Variants in IFRD1 observed in about 807,000 individuals in gnomAD.
IFRD1 encodes the protein interferon related developmental regulator 1, also known as interferon-related developmental regulator 1.
Under a neutral mutation model 52.9 loss-of-function variants are expected in IFRD1, and 35 were observed. The ratio of observed to expected loss-of-function variants is 0.66; its 90% CI spans 0.51 to 0.88. The LOEUF (loss-of-function observed/expected upper bound fraction) is 0.88. Among genes scored for constraint, IFRD1 ranks in the 40% least tolerant of loss-of-function variants. The pLI, the probability that IFRD1 is intolerant of heterozygous loss-of-function variation, is 0.00. For synonymous variants in IFRD1, 184 were observed against 188.4 expected, an observed-to-expected ratio of 0.98 and a Z score of 0.19; for missense variants, 517 against 550.8, an observed-to-expected ratio of 0.94 and a Z score of 0.61.
intron 8 of IFRD1, among the ~76,000 whole-genome samples, chr7:112,465,454 T>C (rs917408181): frequency 6.6e-6 from 1 of 152,252 alleles, no homozygotes; most frequent in Non-Finnish European, 1.5e-5. Context: ...AACTGTTATT[T>C]TGCTATGAAA....
At chr7:112,440,328 G>A (rs750179905) in intron 1 of IFRD1, among the ~76,000 whole-genome samples, 2 of 152,082 alleles carry the variant, frequency 1.3e-5, no homozygotes, top group Non-Finnish European at 2.9e-5. Context: ...TACTAAGTGT[G>A]TCTTATTTAT....
chr7:112,424,131 G>T (rs1794378432), intron 1 of IFRD1, among the ~76,000 whole-genome samples: 1 of 152,136 alleles, frequency 6.6e-6, no homozygotes, highest in East Asian at 1.9e-4. Context: ...TGCAGGGGAG[G>T]GAGCCAGCAG....
chr7:112,451,039 TG>T, intron 1 of IFRD1: 1 of 523,540 alleles, frequency 1.9e-6, no homozygotes, highest in Non-Finnish European at 3.5e-6. Flanking sequence ...GGCCTGAGAG[TG>T]TGTCGGGACA....
intron 1 of IFRD1, among the ~76,000 whole-genome samples, chr7:112,434,937 C>T (rs1794636060): frequency 6.6e-6 from 1 of 152,152 alleles, no homozygotes; most frequent in Admixed American, 6.5e-5. Context: ...TCTGAATTAC[C>T]TGGTTACTGA....
chr7:112,453,347 T>C (rs1275746881), intron 1 of IFRD1, among the ~76,000 whole-genome samples: 2 of 152,210 alleles, frequency 1.3e-5, no homozygotes, highest in African/African-American at 4.8e-5. Flanking sequence ...TTTATGTGCC[T>C]AGAGTGCCAT....
chr7:112,474,635 C>T (rs979452579), intron 11 of IFRD1, among the ~76,000 whole-genome samples: 5 of 152,064 alleles, frequency 3.3e-5, no homozygotes, highest in African/African-American at 4.8e-5. Context: ...CAAAGTTACT[C>T]TTATATTGGA....
intron 8 of IFRD1, among the ~76,000 whole-genome samples, chr7:112,464,246 T>A (rs1584496524): frequency 2.6e-5 from 4 of 152,214 alleles, no homozygotes; most frequent in African/African-American, 9.6e-5. Context: ...AGTGATGTCA[T>A]GAATTCTGCC....
intron 8 of IFRD1, among the ~76,000 whole-genome samples, chr7:112,467,138 T>C (rs780429894): frequency 1.3e-5 from 2 of 152,176 alleles, no homozygotes; most frequent in Non-Finnish European, 2.9e-5. Context: ...CAAGAAGGCC[T>C]AGAAGAGCTG....
At chr7:112,463,092 A>C (rs1020209796) in intron 8 of IFRD1, among the ~76,000 whole-genome samples, 4 of 152,182 alleles carry the variant, frequency 2.6e-5, no homozygotes, top group Admixed American at 2.0e-4. Context: ...GAATGCCTCA[A>C]ATCTTACCAT....
rs2117302610 is a variant in IFRD1 at position 112,459,050 on chromosome 7, G to C, written c.567+32G>C. On this transcript the variant is annotated intron_variant, in intron 5 of 11. Transcript: ENST00000403825. ...ATAAGATATTTACATTTATAGATCT[G>C]TCTATTCATGACACCCAGACGTGGT... The C allele has an allele frequency of 5.7e-6, 9 of 1,572,928 alleles. No individual in the cohort carries two copies. In the East Asian group the frequency reaches 2.0e-4, roughly 35 times the overall value.
chr7:112,465,222 C>T (rs1795578060), intron 8 of IFRD1, among the ~76,000 whole-genome samples: 1 of 152,078 alleles, frequency 6.6e-6, no homozygotes, highest in Non-Finnish European at 1.5e-5. Flanking sequence ...TAATATTAGG[C>T]TTTTGTATGA....
chr7:112,449,832 G>C (rs909776785), upstream of IFRD1, among the ~76,000 whole-genome samples: 1 of 108,914 alleles, frequency 9.2e-6, no homozygotes, highest in African/African-American at 3.7e-5. Context: ...TTTTTGGGGG[G>C]GGGGGGGGAT....
chr7:112,474,728 T>A (rs1795849240), intron 11 of IFRD1, among the ~76,000 whole-genome samples: 1 of 152,206 alleles, frequency 6.6e-6, no homozygotes, highest in African/African-American at 2.4e-5. Context: ...TTTTATAATT[T>A]AAAAAATGTG....
At chr7:112,474,116 A>C (rs1420310792) in intron 11 of IFRD1, among the ~76,000 whole-genome samples, 1 of 152,078 alleles carries the variant, frequency 6.6e-6, no homozygotes, top group South Asian at 2.1e-4. Flanking sequence ...CATTGTATGG[A>C]TATATATCAC....
At position 112,455,846 on chromosome 7, in the gene IFRD1, C is replaced by A; in HGVS notation, c.178C>A (p.Pro60Thr). The A allele has an allele frequency of 6.2e-7, 1 of 1,610,322 alleles. No homozygotes were observed. Among genetic ancestry groups the A allele is most frequent in the Non-Finnish European group, 8.5e-7 (1 of 1,176,618 alleles). The stretch of plus-strand genomic sequence containing the variant: ...GAGCCATTGCAGTGGTTATAGCGAT[C>A]CTTCCAGTTTTGCTGAAGATGGTAT... Reference protein sequence around the residue: ...TMSHCSGYSDPSSFAEDGPEV... With the variant: ...TMSHCSGYSDTSSFAEDGPEV... Residue 60 changes from proline to threonine, a missense_variant, in exon 2 of 12, where the codon CCT (proline) becomes ACT (threonine). Pro to Thr is a conservative substitution (Grantham distance 38, BLOSUM62 -1). Coordinates refer to ENST00000403825, the MANE Select transcript of IFRD1 (RefSeq NM_001550.4).
In IFRD1 at chr7:112,462,023, G is replaced by A. The variant is rs771428735; in HGVS notation, c.641G>A (p.Cys214Tyr). 5.0e-6 allele frequency: 8 copies of A among 1,612,804 alleles called. No homozygotes were observed. Among genetic ancestry groups the A allele is most frequent in the Non-Finnish European group, 6.8e-6 (8 of 1,179,198 alleles). The change falls in exon 7 of 12, where the codon TGT becomes TAT. Residue 214 changes from cysteine to tyrosine, a missense_variant. By Grantham distance (194) the Cys-to-Tyr change is radical (BLOSUM62 -2). Coordinates refer to ENST00000403825, the MANE Select transcript of IFRD1 (RefSeq NM_001550.4). ...TAGGAACTATACTCAACTCTGGAAT[G>A]TTTGGAAAATATCTTCACTAAATCC... ...DITELYSTLE[C>Y]LENIFTKSYL...
intron 8 of IFRD1, 45 bp downstream of exon 8, chr7:112,462,423 C>T: frequency 2.3e-6 from 3 of 1,291,912 alleles, no homozygotes; most frequent in Non-Finnish European, 2.3e-6. Flanking sequence ...TCACAAGGCC[C>T]ATTGTTCCAT....
chr7:112,425,887 A>G (rs1184957359), intron 1 of IFRD1, among the ~76,000 whole-genome samples: 2 of 152,198 alleles, frequency 1.3e-5, no homozygotes, highest in Admixed American at 6.5e-5. Flanking sequence ...GTTATATCTG[A>G]ATAAATATCT....
At chr7:112,433,020 C>T (rs1298012102) in intron 1 of IFRD1, among the ~76,000 whole-genome samples, 5 of 152,130 alleles carry the variant, frequency 3.3e-5, no homozygotes, top group East Asian at 1.9e-4. Context: ...AGAATGGATA[C>T]GGCACTGTAA....
Sources: gnomAD v4.1 joint callset for allele counts (sites outside exome capture counted in the v4.1 genomes callset) on GRCh38, gnomAD v4.1.1 for gene constraint, MANE v1.5 for transcripts, NCBI Gene and HGNC (gene_info 2026-07-23, HGNC 2026-07-21) for gene names.